The following MANBA variants were observed in gnomAD, a reference collection of about 807,000 sequenced individuals.
The protein encoded by MANBA is beta-mannosidase.
Under a neutral mutation model 111.1 loss-of-function variants are expected in MANBA, and 83 were observed. That is an observed-to-expected ratio of 0.75 (90% confidence interval 0.63 to 0.90). The LOEUF (loss-of-function observed/expected upper bound fraction) is 0.90. MANBA is among the 40% of genes least tolerant of loss of function. MANBA has a pLI of 0.00. For synonymous variants in MANBA, 370 were observed against 378.7 expected (o/e 0.98, Z 0.27); for missense variants, 1,036 against 1,069.0 (o/e 0.97, Z 0.43).
chr4:102,708,116 A>G (rs1258970960), intron 5 of MANBA, among the ~76,000 whole-genome samples: 2 of 152,164 alleles, frequency 1.3e-5, no homozygotes, highest in African/African-American at 4.8e-5. Flanking sequence ...ACAAAAAATT[A>G]ACAAAGAAAC....
chr4:102,640,489 C>T (rs1244950525), intron 13 of MANBA, among the ~76,000 whole-genome samples: 1 of 152,158 alleles, frequency 6.6e-6, no homozygotes, highest in Non-Finnish European at 1.5e-5. Context: ...CACTAAAGAA[C>T]TTCACACAGG....
At chr4:102,693,607 C>T (rs1732579882) in intron 5 of MANBA, among the ~76,000 whole-genome samples, 1 of 152,194 alleles carries the variant, frequency 6.6e-6, no homozygotes. Context: ...ATTTAAGCCA[C>T]TCTGCCTATG....
chr4:102,723,034 T>C lies in MANBA; in HGVS notation c.386A>G (p.Asp129Gly), dbSNP rs777157327. Residue 129 changes from aspartate (D) to glycine (G), a missense_variant, in exon 4 of 17, where the codon GAT becomes GGT. Physicochemically the swap from Asp to Gly is moderately conservative, Grantham distance 94 (BLOSUM62 -1). Coordinates refer to ENST00000647097, the MANE Select transcript of MANBA (RefSeq NM_005908.4). ...TDNMFNRYSFDITNVVRDVNS... is the reference protein window; with the variant it reads ...TDNMFNRYSFGITNVVRDVNS... ...CACGTCCCTGACCACGTTGGTAATA[T>C]CAAAGCTCTAAGTTAAAGGGAACAA... is the stretch of plus-strand genomic sequence containing the variant. 12 of 1,613,632 alleles carry C rather than the reference T, an allele frequency of 7.4e-6. No homozygotes were observed. The East Asian group carries it at 2.2e-4, about 30-fold the overall frequency.
At chr4:102,652,852 G>A (rs527645224) in intron 12 of MANBA, among the ~76,000 whole-genome samples, 5 of 152,256 alleles carry the variant, frequency 3.3e-5, no homozygotes, top group African/African-American at 9.6e-5. Flanking sequence ...TTGTGATCAC[G>A]CCACTGCACT....
rs112410997 is a variant in MANBA, at chr4:102,686,396, T to G, written c.960+3178A>C. ...CCACCACTTCAATATATTTACTTAT[T>G]TGTTCAGTTGCCTATGTGAAGCCAA... On this transcript the variant is annotated intron_variant, in intron 7 of 16. Coordinates refer to ENST00000647097, the MANE Select transcript of MANBA (RefSeq NM_005908.4). Among the ~76,000 whole-genome samples, 411 of 152,328 alleles carry G rather than the reference T, an allele frequency of 2.7e-3. 2 individuals carry two copies. Among genetic ancestry groups the G allele is most frequent in the African/African-American group, 9.2e-3 (382 of 41,568 alleles).
At chr4:102,716,783 C>T (rs1401258508) in intron 4 of MANBA, among the ~76,000 whole-genome samples, 1 of 152,160 alleles carries the variant, frequency 6.6e-6, no homozygotes, top group Non-Finnish European at 1.5e-5. Flanking sequence ...AGAGGAAATA[C>T]TAAAATCCTT....
At position 102,752,095 on chromosome 4, in the gene MANBA, C is replaced by T. The variant is rs551031828; in HGVS notation, c.177+8623G>A. 25 of 760,726 alleles carry T rather than the reference C, an allele frequency of 3.3e-5. No homozygotes were observed. The East Asian group carries it at 4.2e-4, about 13-fold the overall frequency. The allele number at this position is 760,726 out of a possible 1,614,324, so 47.1% of individuals were successfully genotyped here. ...AGATGAAATGGAGGAATCCACAAAT[C>T]GACAGAGAACACAGAGCAGCTATGA... On this transcript the variant is annotated intron_variant, in intron 1 of 16. Coordinates refer to ENST00000647097, the MANE Select transcript of MANBA (RefSeq NM_005908.4).
At chr4:102,662,455 G>T (rs996969568) in intron 11 of MANBA, among the ~76,000 whole-genome samples, 5 of 149,342 alleles carry the variant, frequency 3.3e-5, no homozygotes, top group Non-Finnish European at 7.4e-5. Context: ...CTACTCGGGA[G>T]AATTGCTTGA....
At chr4:102,742,855 C>A (rs2110206591) in intron 1 of MANBA, among the ~76,000 whole-genome samples, 1 of 152,350 alleles carries the variant, frequency 6.6e-6, no homozygotes, top group Admixed American at 6.5e-5. Context: ...GCTGGCTGAT[C>A]ACCCCCAGGA....
Position 102,657,897 on chromosome 4 carries a change from C to T in MANBA, c.1489G>A (p.Asp497Asn), listed in dbSNP as rs1307797015. 5 of 1,591,966 alleles carry T rather than the reference C, an allele frequency of 3.1e-6. No individual in the cohort carries two copies. Among genetic ancestry groups the T allele is most frequent in the Non-Finnish European group, 4.3e-6 (5 of 1,159,886 alleles). Residue 497 changes from aspartate (D) to asparagine (N), a missense_variant, in exon 12 of 17, where the codon GAC (aspartate) becomes AAC (asparagine). Physicochemically the swap from Asp to Asn is conservative, Grantham distance 23. Coordinates refer to ENST00000647097, the MANE Select transcript of MANBA (RefSeq NM_005908.4). The part of the protein sequence containing the change: ...KNIRELVLAG[D>N]KSRPFITSSP... ...GACGTAATAAAAGGACGACTCTTGT[C>T]TCCCTGAGTTCAGAAATAAAATGAA...
At chr4:102,697,355 A>T (rs1732765848) in intron 5 of MANBA, among the ~76,000 whole-genome samples, 1 of 150,564 alleles carries the variant, frequency 6.6e-6, no homozygotes, top group Non-Finnish European at 1.5e-5. Context: ...ATTTTATTTT[A>T]TTTTTTTATT....
intron 7 of MANBA, among the ~76,000 whole-genome samples, chr4:102,680,183 T>C (rs1044317240): frequency 2.6e-5 from 4 of 152,200 alleles, no homozygotes; most frequent in South Asian, 2.1e-4. Context: ...GATTTCCTTA[T>C]ATTTTGTTGT....
Position 102,727,399 on chromosome 4 carries a change from A to G in MANBA, c.178-716T>C, listed in dbSNP as rs917389464. On this transcript the variant is annotated intron_variant, in intron 1 of 16. Coordinates refer to ENST00000647097, the MANE Select transcript of MANBA (RefSeq NM_005908.4). ...ACTTCTTGCTGCTCACTGATGAATC[A>G]GGAGGCCTGTCCTGGAGATGAGCTT... is the stretch of plus-strand genomic sequence containing the variant. 5 of 904,896 alleles carry G rather than the reference A, an allele frequency of 5.5e-6. No homozygotes were observed. In the African/African-American group the frequency reaches 8.2e-5, roughly 15 times the overall value. The allele number at this position is 904,896 out of a possible 1,614,324, so 56.1% of individuals were successfully genotyped here.
chr4:102,721,597 T>C (rs1363394626), intron 4 of MANBA, among the ~76,000 whole-genome samples: 1 of 152,182 alleles, frequency 6.6e-6, no homozygotes, highest in Non-Finnish European at 1.5e-5. Context: ...CCTTAAAATG[T>C]AAAGAAATTC....
chr4:102,735,461 A>G (rs1284352029), intron 1 of MANBA, among the ~76,000 whole-genome samples: 1 of 141,938 alleles, frequency 7.0e-6, no homozygotes, highest in Non-Finnish European at 1.6e-5. Context: ...ATGCATGCTG[A>G]AAAAAAAAAA....
intron 9 of MANBA, among the ~76,000 whole-genome samples, chr4:102,670,149 C>A (rs1264166193): frequency 1.7e-5 from 2 of 120,282 alleles, no homozygotes; most frequent in South Asian, 2.4e-4. Flanking sequence ...AGCCAGACTC[C>A]ATATCAAAAA....
At chr4:102,703,259 A>G (rs1410990480) in intron 5 of MANBA, among the ~76,000 whole-genome samples, 1 of 152,178 alleles carries the variant, frequency 6.6e-6, no homozygotes, top group Non-Finnish European at 1.5e-5. Context: ...GCCTTTGCAA[A>G]GTTATAACTG....
chr4:102,729,217 G>C (rs1332201173), intron 1 of MANBA: 1 of 732,836 alleles, frequency 1.4e-6, no homozygotes, highest in African/African-American at 1.7e-5. Context: ...CTCAGTCTCA[G>C]CCTGGAGCTG....
chr4:102,728,475 A>G, intron 1 of MANBA: 1 of 388,634 alleles, frequency 2.6e-6, no homozygotes, highest in Non-Finnish European at 4.9e-6. Context: ...TTTTCGGAAT[A>G]CCCATCTTTC....
Sources: allele counts gnomAD v4.1 joint callset (sites outside exome capture counted in the v4.1 genomes callset), GRCh38; gene constraint gnomAD v4.1.1; transcripts MANE v1.5; gene names NCBI Gene and HGNC (gene_info 2026-07-23, HGNC 2026-07-21).